MICAL2: variants seen among roughly 807,000 people sequenced by gnomAD.
MICAL2 encodes [F-actin]-monooxygenase MICAL2.
MICAL2 carries 77 observed loss-of-function variants against 127.3 expected under a neutral mutation model. That is an observed-to-expected ratio of 0.60 (90% CI 0.50 to 0.73). MICAL2 has a LOEUF of 0.73. Ranked by LOEUF, MICAL2 falls within the 30% of genes least tolerant of loss-of-function variation. The pLI is 0.00. For missense variants in MICAL2, 1,351 were observed against 1,434.4 expected, an observed-to-expected ratio of 0.94 and a Z score of 0.94; for synonymous variants, 570 against 551.1, an observed-to-expected ratio of 1.03 and a Z score of -0.48.
chr11:12,245,137 G>A (rs1394183581), intron 21 of MICAL2, among the ~76,000 whole-genome samples: 2 of 152,154 alleles, frequency 1.3e-5, no homozygotes, highest in East Asian at 3.9e-4. Context: ...GGGAAGGCTG[G>A]CCTCTGGAAT....
chr11:12,142,431 C>T (rs1045929679), intron 2 of MICAL2, among the ~76,000 whole-genome samples: 2 of 152,172 alleles, frequency 1.3e-5, no homozygotes, highest in African/African-American at 4.8e-5. Context: ...GTGAGTTTGC[C>T]ATTCAAATCA....
intron 1 of MICAL2, among the ~76,000 whole-genome samples, chr11:12,127,086 A>G (rs1461303527): frequency 6.6e-6 from 1 of 152,174 alleles, no homozygotes; most frequent in Non-Finnish European, 1.5e-5. Context: ...CTTTAATGAG[A>G]GAGAGATTGA....
chr11:12,168,429 A>T (rs1168074407), intron 3 of MICAL2, among the ~76,000 whole-genome samples: 1 of 151,172 alleles, frequency 6.6e-6, no homozygotes, highest in Non-Finnish European at 1.5e-5. Flanking sequence ...CCCACACACC[A>T]TATACACACA....
At chr11:12,266,528 TGTGCCAGGTA>T (rs759028014), downstream of MICAL2, among the ~76,000 whole-genome samples, 12 of 152,282 alleles carry the variant, frequency 7.9e-5, no homozygotes, top group Non-Finnish European at 1.6e-4. Flanking sequence ...ACATTTTCTC[TGTGCCAGGTA>T]GTGGGCCAAG....
chr11:12,310,301 T>G (rs980955970), intron 29 of MICAL2, among the ~76,000 whole-genome samples: 1 of 152,200 alleles, frequency 6.6e-6, no homozygotes, highest in African/African-American at 2.4e-5. Flanking sequence ...AGTAGCTTCA[T>G]AGTTTCAGGC....
At chr11:12,209,394 G>T in intron 5 of MICAL2, 103 bp from the exon 6 acceptor site, 1 of 906,724 alleles carries the variant, frequency 1.1e-6, no homozygotes. Context: ...GTGATACACA[G>T]ACCTGGCTGC....
rs766318321 is a variant in MICAL2, at chr11:12,256,964, C to T, written c.3135C>T (p.Cys1045=). The change falls in exon 24 of 28, where the codon TGC becomes TGT. Residue 1045 remains cysteine (C), a synonymous_variant. Transcript: ENST00000683283. ...TLRLAAYTFD[C]DEGKFYCKPH... ...GCCTGGCCGCCTACACCTTTGACTG[C>T]GATGAAGGTAACCCCAGGGGCCAGG... The T allele has an allele frequency of 1.6e-5, 26 of 1,611,938 alleles. No individual in the cohort carries two copies. Among genetic ancestry groups the T allele is most frequent in the East Asian group, 8.9e-5 (4 of 44,870 alleles).
chr11:12,167,813 C>T (rs1024073474), intron 3 of MICAL2, among the ~76,000 whole-genome samples: 1 of 152,100 alleles, frequency 6.6e-6, no homozygotes, highest in Non-Finnish European at 1.5e-5. Context: ...CACAGCTGCA[C>T]ATGGAATGTG....
At chr11:12,160,385 G>A (rs550876909) in intron 2 of MICAL2, among the ~76,000 whole-genome samples, 3 of 152,176 alleles carry the variant, frequency 2.0e-5, no homozygotes, top group Admixed American at 6.5e-5. Flanking sequence ...CCAAAGACTT[G>A]TCTCTTCCTG....
intron 3 of MICAL2, among the ~76,000 whole-genome samples, chr11:12,171,780 C>T (rs115593560): frequency 0.011 from 1,705 of 152,106 alleles, 20 homozygotes; most frequent in East Asian, 0.021. Context: ...AGGCCAGTGC[C>T]GCCCAAAAGA....
intron 15 of MICAL2, among the ~76,000 whole-genome samples, chr11:12,229,871 A>G (rs1477948172): frequency 6.6e-6 from 1 of 152,142 alleles, no homozygotes; most frequent in Non-Finnish European, 1.5e-5. Context: ...TTTTGAGAGG[A>G]GTCAAGGCCC....
At chr11:12,119,036 C>G (rs971790059) in intron 1 of MICAL2, among the ~76,000 whole-genome samples, 8 of 152,124 alleles carry the variant, frequency 5.3e-5, no homozygotes, top group Admixed American at 1.3e-4. Context: ...TGAGTTGGCC[C>G]CACTACTTCC....
chr11:12,128,442 T>C (rs895970673), intron 1 of MICAL2, among the ~76,000 whole-genome samples: 1 of 152,226 alleles, frequency 6.6e-6, no homozygotes, highest in African/African-American at 2.4e-5. Flanking sequence ...CAAGGTCACA[T>C]AGCTGGTAAA....
Position 12,209,070 on chromosome 11 carries a change from G to A in MICAL2, c.590-427G>A, listed in dbSNP as rs1181254841. 2.0e-5 allele frequency among the ~76,000 whole-genome samples: 3 copies of A among 152,012 alleles called. No individual in the cohort carries two copies. The East Asian group carries it at 5.8e-4, about 29-fold the overall frequency. ...TGTAGTGTACAACAGAACATTTTGA[G>A]CATACAATAGAAATTAAAAGTGGTT... is the stretch of plus-strand genomic sequence containing the variant. On this transcript the variant is annotated intron_variant, in intron 5 of 27. Coordinates refer to ENST00000683283, the MANE Select transcript of MICAL2 (RefSeq NM_001282663.2).
chr11:12,168,269 T>C (rs979927077), intron 3 of MICAL2, among the ~76,000 whole-genome samples: 1 of 149,270 alleles, frequency 6.7e-6, no homozygotes, highest in Admixed American at 6.7e-5. Flanking sequence ...CAAATACATA[T>C]ACACCACACA....
At chr11:12,221,526 C>A in intron 9 of MICAL2, 118 bp from the exon 10 acceptor site, 1 of 645,258 alleles carries the variant, frequency 1.5e-6, no homozygotes, top group Non-Finnish European at 2.7e-6. Flanking sequence ...TGCCCTGTCA[C>A]CTCTCTGTCC....
intron 32 of MICAL2, among the ~76,000 whole-genome samples, chr11:12,337,999 T>C (rs867296932): frequency 7.9e-5 from 12 of 152,212 alleles, no homozygotes; most frequent in South Asian, 2.1e-4. Context: ...GTTCAATTCC[T>C]CGATATCCTT....
chr11:12,204,397 C>T lies in MICAL2; in HGVS notation c.412C>T (p.Arg138Cys), dbSNP rs746261097. 2.0e-5 allele frequency: 32 copies of T among 1,612,542 alleles called. No homozygotes were observed. Among genetic ancestry groups the T allele is most frequent in the Non-Finnish European group, 2.6e-5 (31 of 1,179,144 alleles). Residue 138 changes from arginine (R) to cysteine (C), a missense_variant, in exon 4 of 28, where the codon CGT becomes TGT. By Grantham distance (180) the Arg-to-Cys change is radical. Transcript: ENST00000683283. ...HLWPFTIHDL[R>C]GLGAKKFYGK... is the part of the protein sequence containing the mutation. The stretch of plus-strand genomic sequence containing the variant: ...CTGGCCTTTCACCATCCATGACCTT[C>T]GTGGCCTGGGAGCCAAGAAGTTCTA...
chr11:12,126,489 AT>A (rs1367006878), intron 1 of MICAL2, among the ~76,000 whole-genome samples: 2 of 152,184 alleles, frequency 1.3e-5, no homozygotes, highest in Admixed American at 6.5e-5. Context: ...TGAAGAAAAA[AT>A]GCAGCCTCTT....
Sources: allele counts gnomAD v4.1 joint callset (sites outside exome capture counted in the v4.1 genomes callset), GRCh38; gene constraint gnomAD v4.1.1; transcripts MANE v1.5; gene names NCBI Gene and HGNC (gene_info 2026-07-23, HGNC 2026-07-21).